The following TLN2 variants were observed in gnomAD, a reference collection of about 807,000 sequenced individuals.
TLN2 encodes the protein talin-2.
A neutral mutation model predicts 294.7 loss-of-function variants in TLN2; 118 were observed. That is an observed-to-expected ratio of 0.40 (90% CI 0.34 to 0.47). The LOEUF is 0.47. Ranked by LOEUF, TLN2 falls within the 20% of genes least tolerant of loss-of-function variation. The pLI is 0.84. For missense variants in TLN2, 3,083 were observed against 3,282.2 expected (o/e 0.94, Z 1.48); for synonymous variants, 1,431 against 1,304.5 (o/e 1.10, Z -2.09).
chr15:62,763,730 T>C lies in TLN2; in HGVS notation c.5094+35T>C, dbSNP rs577341722. 48 of 1,548,520 alleles carry C rather than the reference T, an allele frequency of 3.1e-5. No homozygotes were observed. In the African/African-American group the frequency reaches 4.9e-4, roughly 16 times the overall value. On this transcript the variant is annotated intron_variant, in intron 40 of 58. Transcript: ENST00000636159. ...GAATCTGGGGGCCTGCTTAGTCGCC[T>C]CTAGATATGTTGAAAAACCTTAGCA... is the stretch of plus-strand genomic sequence containing the variant.
intron 11 of TLN2, among the ~76,000 whole-genome samples, chr15:62,679,685 CTG>C (rs1489298877): frequency 6.6e-6 from 1 of 152,166 alleles, no homozygotes; most frequent in Non-Finnish European, 1.5e-5. Flanking sequence ...CTAGAACTGA[CTG>C]TGGTTTTAAA....
intron 1 of TLN2, among the ~76,000 whole-genome samples, chr15:62,562,438 C>A (rs1246689449): frequency 6.6e-6 from 1 of 152,188 alleles, no homozygotes; most frequent in Non-Finnish European, 1.5e-5. Flanking sequence ...CATACAGGTG[C>A]TGGTGCCTGT....
At chr15:62,773,086 C>A (rs2063456768) in intron 42 of TLN2, among the ~76,000 whole-genome samples, 1 of 97,368 alleles carries the variant, frequency 1.0e-5, no homozygotes, top group African/African-American at 4.0e-5. Context: ...AAAGCAGAGT[C>A]TGTTACCAGA....
chr15:62,641,627 T>C (rs2051119102), intron 3 of TLN2, among the ~76,000 whole-genome samples: 1 of 142,098 alleles, frequency 7.0e-6, no homozygotes, highest in Non-Finnish European at 1.5e-5. Context: ...ATCTAAAAAA[T>C]AAAAATAAAA....
At chr15:62,783,645 C>G (rs535381297) in intron 44 of TLN2, 126 bp from the exon 45 acceptor site, 6 of 1,444,298 alleles carry the variant, frequency 4.2e-6, no homozygotes, top group African/African-American at 2.9e-5. Flanking sequence ...TGGCCTTCAC[C>G]CCCTCAGGAG....
At chr15:62,828,573 G>C (rs902043010) in intron 54 of TLN2, 3 of 152,190 alleles carry the variant, frequency 2.0e-5, no homozygotes, top group Non-Finnish European at 4.4e-5. Context: ...GTCACAAACT[G>C]TGAATTCCAG....
intron 1 of TLN2, among the ~76,000 whole-genome samples, chr15:62,536,697 C>T (rs2140511009): frequency 6.6e-6 from 1 of 152,210 alleles, no homozygotes. Context: ...TCTCCTTGGG[C>T]CTTGTAAAGT....
chr15:62,723,670 G>C (rs1698718189), intron 26 of TLN2, among the ~76,000 whole-genome samples: 1 of 149,642 alleles, frequency 6.7e-6, no homozygotes, highest in South Asian at 2.1e-4. Context: ...AGCCACTTGA[G>C]TAGCTGGACC....
In TLN2 at chr15:62,722,486, A is replaced by G; in HGVS notation, c.3125A>G (p.Lys1042Arg). 1 of 1,609,630 alleles carries G rather than the reference A, an allele frequency of 6.2e-7. No individual in the cohort carries two copies. Reference sequence around the variant, plus strand: ...GCGGAGCTGCGTACCGCCTCGCAGAAGGCAAGTGGAGCGTGTCATAGGGGT... The same window carrying G: ...GCGGAGCTGCGTACCGCCTCGCAGAGGGCAAGTGGAGCGTGTCATAGGGGT... ...SLAELRTASQ[K>R]AHEACGPMEI... Residue 1042 changes from lysine to arginine, a missense_variant and splice_region_variant, in exon 26 of 59, where the codon AAG (lysine) becomes AGG (arginine). Transcript: ENST00000636159.
At chr15:62,561,599 C>G (rs1160017078) in intron 1 of TLN2, 1 of 152,214 alleles carries the variant, frequency 6.6e-6, no homozygotes, top group East Asian at 1.9e-4. Flanking sequence ...GTCACAATTG[C>G]GAACATTTCC....
intron 7 of TLN2, among the ~76,000 whole-genome samples, chr15:62,655,327 G>C (rs2053085063): frequency 6.6e-6 from 1 of 152,098 alleles, no homozygotes; most frequent in African/African-American, 2.4e-5. Flanking sequence ...GGGAGTGGTC[G>C]AATCCTGTGC....
At chr15:62,560,589 G>A (rs373508996) in intron 1 of TLN2, among the ~76,000 whole-genome samples, 12 of 152,210 alleles carry the variant, frequency 7.9e-5, no homozygotes, top group African/African-American at 2.9e-4. Flanking sequence ...GCCTCCCAAA[G>A]TGCTGGGATT....
rs114030570 is a variant in TLN2 at position 62,504,172 on chromosome 15, G to T, written c.-237-85515G>T. Among the ~76,000 whole-genome samples the T allele has an allele frequency of 9.6e-3, 1,467 of 152,212 alleles. 28 individuals are homozygous for T. Among genetic ancestry groups the T allele is most frequent in the African/African-American group, 0.034 (1,403 of 41,526 alleles). On this transcript the variant is annotated intron_variant, in intron 1 of 58. Coordinates refer to ENST00000636159, the MANE Select transcript of TLN2 (RefSeq NM_015059.3). The stretch of plus-strand genomic sequence containing the variant: ...TGTTGTTCTTGTTGAACTCTGATAG[G>T]TCTCTCAAATAAAAGGAAACAGATA...
chr15:62,423,251 G>C (rs1182826672), intron 1 of TLN2, among the ~76,000 whole-genome samples: 1 of 152,186 alleles, frequency 6.6e-6, no homozygotes, highest in Non-Finnish European at 1.5e-5. Flanking sequence ...TCTGGGCATG[G>C]TGGCGTGAGC....
intron 1 of TLN2, among the ~76,000 whole-genome samples, chr15:62,565,402 T>C (rs12437926): frequency 0.24 from 36,672 of 152,050 alleles, 4,772 homozygotes; most frequent in East Asian, 0.53. Flanking sequence ...TTCTGAAATA[T>C]GATCTATGAC....
At chr15:62,471,888 G>C (rs1179815803) in intron 1 of TLN2, among the ~76,000 whole-genome samples, 2 of 150,958 alleles carry the variant, frequency 1.3e-5, no homozygotes, top group African/African-American at 2.4e-5. Flanking sequence ...GCAGGAGGAT[G>C]GGGGGCAGAG....
chr15:62,534,212 T>TATCCTCTA (rs2041209521), intron 1 of TLN2, among the ~76,000 whole-genome samples: 2 of 152,080 alleles, frequency 1.3e-5, no homozygotes, highest in African/African-American at 2.4e-5. Flanking sequence ...ACCAGCTGGG[T>TATCCTCTA]ATCCTCTAAT....
chr15:62,698,008 T>A, intron 15 of TLN2, 140 bp downstream of exon 15: 1 of 1,132,894 alleles, frequency 8.8e-7, no homozygotes, highest in East Asian at 2.7e-5. Flanking sequence ...GCTGTGCATT[T>A]TTTAAATTGG....
intron 9 of TLN2, among the ~76,000 whole-genome samples, chr15:62,672,483 G>T (rs547531262): frequency 6.6e-6 from 1 of 152,324 alleles, no homozygotes; most frequent in East Asian, 1.9e-4. Context: ...TGGGGAAATA[G>T]ATGAGTCATG....
Sources: allele counts gnomAD v4.1 joint callset (sites outside exome capture counted in the v4.1 genomes callset), GRCh38; gene constraint gnomAD v4.1.1; transcripts MANE v1.5; gene names NCBI Gene and HGNC (gene_info 2026-07-23, HGNC 2026-07-21).